MCF2L2: variants seen among roughly 807,000 people sequenced by gnomAD.
The protein encoded by MCF2L2 is MCF.2 cell line derived transforming sequence-like 2, also known as probable guanine nucleotide exchange factor MCF2L2.
MCF2L2 carries 102 observed loss-of-function variants against 150.2 expected under a neutral mutation model. The observed-to-expected ratio is 0.68, with a 90% CI of 0.58 to 0.80. The LOEUF is 0.80. Ranked by LOEUF, MCF2L2 falls within the 30% of genes least tolerant of loss-of-function variation. The pLI is 0.00. For missense variants in MCF2L2, 1,256 were observed against 1,372.8 expected, an observed-to-expected ratio of 0.91 and a Z score of 1.34; for synonymous variants, 465 against 491.3, an observed-to-expected ratio of 0.95 and a Z score of 0.71.
chr3:183,255,962 GTTCT>G (rs1473924405), intron 15 of MCF2L2, among the ~76,000 whole-genome samples: 1 of 152,152 alleles, frequency 6.6e-6, no homozygotes, highest in African/African-American at 2.4e-5. Context: ...AAAGGGTCCA[GTTCT>G]TTCTGAGGCC....
At chr3:183,356,275 G>C (rs1311462841) in intron 3 of MCF2L2, among the ~76,000 whole-genome samples, 1 of 151,892 alleles carries the variant, frequency 6.6e-6, no homozygotes, top group East Asian at 1.9e-4. Context: ...AGCACTTTGG[G>C]AGGCCAAGGC....
At chr3:183,201,035 G>C (rs1722261267) in intron 25 of MCF2L2, among the ~76,000 whole-genome samples, 1 of 152,148 alleles carries the variant, frequency 6.6e-6, no homozygotes, top group Non-Finnish European at 1.5e-5. Flanking sequence ...TAGCCTTGTA[G>C]TATAGTTTGA....
At chr3:183,342,549 T>C (rs1463531813) in intron 3 of MCF2L2, among the ~76,000 whole-genome samples, 1 of 151,850 alleles carries the variant, frequency 6.6e-6, no homozygotes, top group Non-Finnish European at 1.5e-5. Context: ...CCCTGTAGTT[T>C]CTCAGACTCT....
rs373285640 is a variant in MCF2L2 at position 183,423,596 on chromosome 3, G to T, written c.76+4306C>A. The stretch of plus-strand genomic sequence containing the variant: ...GCTGGAAATGCAAAACCTCTATGGG[G>T]AGTTACTGACGTGGACCATTTTTTA... On this transcript the variant is annotated intron_variant, in intron 1 of 29. Coordinates refer to ENST00000328913, the MANE Select transcript of MCF2L2 (RefSeq NM_015078.4). Among the ~76,000 whole-genome samples, 16 of 151,576 alleles carry T rather than the reference G, an allele frequency of 1.1e-4. No individual in the cohort carries two copies. The East Asian group carries it at 2.7e-3, about 26-fold the overall frequency.
chr3:183,268,509 T>TG (rs58535820), intron 15 of MCF2L2, among the ~76,000 whole-genome samples: 59 of 148,504 alleles, frequency 4.0e-4, no homozygotes, highest in Middle Eastern at 3.5e-3. Context: ...GTGGAGAAAA[T>TG]GGGGGGGGCG....
rs1729044261 is a variant in MCF2L2, at chr3:183,305,287, T to C, written c.1113+4429A>G. Among the ~76,000 whole-genome samples the C allele has an allele frequency of 1.3e-5, 2 of 148,414 alleles. No individual in the cohort carries two copies. Among genetic ancestry groups the C allele is most frequent in the Admixed American group, 1.3e-4 (2 of 15,124 alleles). On this transcript the variant is annotated intron_variant, in intron 10 of 29. Coordinates refer to ENST00000328913, the MANE Select transcript of MCF2L2 (RefSeq NM_015078.4). This position sits in a 1 kb window ranked among gnomAD's most constrained non-coding sequence, Gnocchi z 4.1. ...GAACTTGTCTGACTTTAGTCAAATA[T>C]AGAAACATGAGACTTGGCATGAAAG... is the stretch of plus-strand genomic sequence containing the variant.
chr3:183,282,911 C>A (rs1350336127), intron 14 of MCF2L2, among the ~76,000 whole-genome samples: 1 of 152,166 alleles, frequency 6.6e-6, no homozygotes, highest in Non-Finnish European at 1.5e-5. Context: ...GCATTAGCCC[C>A]AACTGACAGA....
At chr3:183,353,084 G>A (rs917227650) in intron 3 of MCF2L2, among the ~76,000 whole-genome samples, 7 of 152,034 alleles carry the variant, frequency 4.6e-5, no homozygotes, top group Non-Finnish European at 1.0e-4. Context: ...AGAAACATAG[G>A]TGTTTATTAT....
intron 14 of MCF2L2, among the ~76,000 whole-genome samples, chr3:183,278,109 G>C (rs959742380): frequency 1.3e-5 from 2 of 151,524 alleles, no homozygotes; most frequent in African/African-American, 4.8e-5. Context: ...ACTTGAGCCT[G>C]GGAGGCAGAG....
At chr3:183,210,116 A>G (rs1722640386) in intron 22 of MCF2L2, among the ~76,000 whole-genome samples, 1 of 152,174 alleles carries the variant, frequency 6.6e-6, no homozygotes, top group Non-Finnish European at 1.5e-5. Flanking sequence ...TAAGGTGAAG[A>G]AAAAATAAAG....
chr3:183,274,312 C>T (rs551224300), intron 15 of MCF2L2, among the ~76,000 whole-genome samples: 4 of 152,180 alleles, frequency 2.6e-5, no homozygotes, highest in Admixed American at 1.3e-4. Flanking sequence ...GTAGTTATAG[C>T]GCTTTAAGAT....
chr3:183,244,832 G>A lies in MCF2L2; in HGVS notation c.1863-13815C>T, dbSNP rs1449737434. 2.6e-5 allele frequency among the ~76,000 whole-genome samples: 4 copies of A among 151,966 alleles called. 1 individual carries two copies. The highest frequency in any genetic ancestry group is 9.7e-5 in the African/African-American group (4 of 41,360). On this transcript the variant is annotated intron_variant, in intron 15 of 29. Coordinates refer to ENST00000328913, the MANE Select transcript of MCF2L2 (RefSeq NM_015078.4). The stretch of plus-strand genomic sequence containing the variant: ...CTATGGCTTTTGCAAAGCAAGTACT[G>A]TTTCTGCTACTTTACCTAGTTGCTC...
intron 1 of MCF2L2, among the ~76,000 whole-genome samples, chr3:183,397,220 T>C (rs536333417): frequency 5.6e-4 from 86 of 152,346 alleles, no homozygotes; most frequent in African/African-American, 2.0e-3. Context: ...TTTACAAATG[T>C]AGAAATTTAT....
At chr3:183,210,897 G>A (rs1722692514) in intron 22 of MCF2L2, among the ~76,000 whole-genome samples, 1 of 152,182 alleles carries the variant, frequency 6.6e-6, no homozygotes, top group South Asian at 2.1e-4. Flanking sequence ...ACCAGCAGCT[G>A]ACCATAGGGC....
At chr3:183,393,162 G>A (rs1322885614) in intron 1 of MCF2L2, among the ~76,000 whole-genome samples, 3 of 151,120 alleles carry the variant, frequency 2.0e-5, no homozygotes, top group African/African-American at 7.3e-5. Context: ...TGCCATTTTT[G>A]GCATGCACAG....
chr3:183,187,724 C>A (rs1338031742), intron 27 of MCF2L2, among the ~76,000 whole-genome samples: 2 of 152,224 alleles, frequency 1.3e-5, no homozygotes. Flanking sequence ...GCCTCGGCCT[C>A]CCAAAGTGCT....
chr3:183,251,851 A>G lies in MCF2L2; in HGVS notation c.1863-20834T>C, dbSNP rs139535613. The stretch of plus-strand genomic sequence containing the variant: ...GCATGTGTGATCTGAGCTTGTGTGG[A>G]TCCCAGAGTGGGCATTCTGGACTAC... On this transcript the variant is annotated intron_variant, in intron 15 of 29. Coordinates refer to ENST00000328913, the MANE Select transcript of MCF2L2 (RefSeq NM_015078.4). 4.4e-3 allele frequency among the ~76,000 whole-genome samples: 670 copies of G among 151,762 alleles called. 7 individuals carry two copies. The highest frequency in any genetic ancestry group is 0.01 in the Admixed American group (156 of 15,224).
At position 183,390,775 on chromosome 3, in the gene MCF2L2, C is replaced by T. The variant is rs150817419; in HGVS notation, c.77-996G>A. On this transcript the variant is annotated intron_variant, in intron 1 of 29. Coordinates refer to ENST00000328913, the MANE Select transcript of MCF2L2 (RefSeq NM_015078.4). ...AGCCAAGCATGGTGATGTATGCCTG[C>T]GGTCCCAGCTACTTGGGAGGCTGAG... Among the ~76,000 whole-genome samples, 31 of 152,090 alleles carry T rather than the reference C, an allele frequency of 2.0e-4. No individual in the cohort carries two copies. The East Asian group carries it at 4.3e-3, about 21-fold the overall frequency.
chr3:183,308,933 G>T (rs1406428206), intron 10 of MCF2L2, among the ~76,000 whole-genome samples: 1 of 152,092 alleles, frequency 6.6e-6, no homozygotes, highest in East Asian at 1.9e-4. Flanking sequence ...CAGGGGACTT[G>T]GTCCCCAAGA....
Sources: gnomAD v4.1 joint callset for allele counts (sites outside exome capture counted in the v4.1 genomes callset) on GRCh38, gnomAD v4.1.1 for gene constraint, Gnocchi (gnomAD v3.1) non-coding constraint, MANE v1.5 for transcripts, NCBI Gene and HGNC (gene_info 2026-07-23, HGNC 2026-07-21) for gene names.